KLRG2: variants seen among roughly 807,000 people sequenced by gnomAD.
The protein encoded by KLRG2 is killer cell lectin-like receptor subfamily G member 2.
Under a neutral mutation model 35.4 loss-of-function variants are expected in KLRG2, and 39 were observed. The ratio of observed to expected loss-of-function variants is 1.10; its 90% CI spans 0.85 to 1.44. The LOEUF is 1.44. KLRG2 is among the 40% of genes most tolerant of loss of function. The pLI, the probability that KLRG2 is intolerant of heterozygous loss-of-function variation, is 0.00. For missense variants in KLRG2, 632 were observed against 570.9 expected (o/e 1.11, Z -1.09); for synonymous variants, 283 against 265.8 (o/e 1.06, Z -0.63).
chr7:139,430,562 G>A, the KLRG2 span, among the ~76,000 whole-genome samples: 1 of 152,134 alleles, frequency 6.6e-6, no homozygotes, highest in African/African-American at 2.4e-5. Flanking sequence ...TGGAAAACAG[G>A]CAGCTTCTTA....
the KLRG2 span, among the ~76,000 whole-genome samples, chr7:139,431,375 A>G: frequency 6.6e-6 from 1 of 151,320 alleles, no homozygotes; most frequent in Non-Finnish European, 1.5e-5. Flanking sequence ...AAATAGATAC[A>G]CTTTCTTCAT....
chr7:139,460,075 T>G (rs1375154953), intron 3 of KLRG2, among the ~76,000 whole-genome samples: 1 of 151,932 alleles, frequency 6.6e-6, no homozygotes. Context: ...TAGTAGAGGG[T>G]GGGTTTCACC....
the KLRG2 span, among the ~76,000 whole-genome samples, chr7:139,443,824 T>TA: frequency 1.3e-5 from 2 of 152,112 alleles, no homozygotes; most frequent in South Asian, 4.1e-4. Context: ...GAGAGGGAGT[T>TA]TACTGAGAAT....
Position 139,482,998 on chromosome 7 carries a change from G to C in KLRG2, c.645C>G (p.Ser215=), listed in dbSNP as rs1796989745. The C allele has an allele frequency of 3.6e-6, 5 of 1,379,630 alleles. No individual in the cohort carries two copies. The East Asian group carries it at 1.5e-4, about 42-fold the overall frequency. The allele number at this position is 1,379,630 out of a possible 1,614,324, so 85.5% of individuals were successfully genotyped here. ...PAEGSAGSPG[S]PTCCRCKELG... ...GCTCCTTGCAGCGGCAGCACGTGGG[G>C]GAGCCCGGGGAGCCGGCGCTTCCTT... The change falls in exon 1 of 5, where the codon TCC becomes TCG. Residue 215 remains serine (S), a synonymous_variant. Transcript: ENST00000340940.
At chr7:139,473,231 A>G (rs999388377) in intron 3 of KLRG2, among the ~76,000 whole-genome samples, 3 of 152,204 alleles carry the variant, frequency 2.0e-5, no homozygotes, top group African/African-American at 7.2e-5. Flanking sequence ...CAGTGAGCTG[A>G]GATTGCTCCA....
chr7:139,441,174 C>T, the KLRG2 span, among the ~76,000 whole-genome samples: 2,230 of 152,290 alleles, frequency 0.015, 57 homozygotes, highest in African/African-American at 0.052. Context: ...CACAAGCACA[C>T]GTATGTTTAT....
chr7:139,458,616 GTTTTAATA>G (rs1796516904), intron 3 of KLRG2, among the ~76,000 whole-genome samples: 1 of 152,114 alleles, frequency 6.6e-6, no homozygotes, highest in Non-Finnish European at 1.5e-5. Flanking sequence ...ATCCATGTCT[GTTTTAATA>G]TTAAAATGTT....
chr7:139,430,848 A>C, the KLRG2 span, among the ~76,000 whole-genome samples: 2 of 151,978 alleles, frequency 1.3e-5, no homozygotes, highest in African/African-American at 4.8e-5. Context: ...GTCTCTACTA[A>C]AAATACAAAA....
intron 3 of KLRG2, among the ~76,000 whole-genome samples, chr7:139,463,010 C>T (rs986234833): frequency 1.5e-4 from 23 of 152,206 alleles, no homozygotes; most frequent in African/African-American, 5.1e-4. Flanking sequence ...CTCCTCTCCT[C>T]ACACCCGACG....
the KLRG2 span, among the ~76,000 whole-genome samples, chr7:139,443,591 T>C: frequency 1.3e-5 from 2 of 152,006 alleles, no homozygotes; most frequent in African/African-American, 4.8e-5. Context: ...AGATGGAGTC[T>C]TGCCCTGCTG....
chr7:139,432,408 T>A, the KLRG2 span, among the ~76,000 whole-genome samples: 1 of 152,126 alleles, frequency 6.6e-6, no homozygotes, highest in Non-Finnish European at 1.5e-5. Flanking sequence ...CGCTGTAAAC[T>A]GATTCCTCTT....
At chr7:139,474,383 G>T (rs562317619) in intron 3 of KLRG2, among the ~76,000 whole-genome samples, 1 of 152,122 alleles carries the variant, frequency 6.6e-6, no homozygotes, top group East Asian at 1.9e-4. Flanking sequence ...GAATTCTGGG[G>T]AAAAGCGATT....
intron 3 of KLRG2, among the ~76,000 whole-genome samples, chr7:139,462,837 T>C (rs1009370623): frequency 6.7e-6 from 1 of 149,216 alleles, no homozygotes; most frequent in Non-Finnish European, 1.5e-5. Context: ...CTCCCACCTG[T>C]CCCCTCAGTC....
chr7:139,449,690 A>ATTCTTT (rs1796346589), downstream of KLRG2, among the ~76,000 whole-genome samples: 1 of 128,434 alleles, frequency 7.8e-6, no homozygotes, highest in Non-Finnish European at 1.6e-5. Flanking sequence ...CTATATCCTT[A>ATTCTTT]TTCTTTTTTT....
intron 3 of KLRG2, among the ~76,000 whole-genome samples, chr7:139,469,934 G>C (rs1015583585): frequency 6.6e-6 from 1 of 152,180 alleles, no homozygotes; most frequent in African/African-American, 2.4e-5. Context: ...TATAGCACAA[G>C]TGTGCCTAAG....
chr7:139,434,582 G>T, the KLRG2 span, among the ~76,000 whole-genome samples: 1 of 152,156 alleles, frequency 6.6e-6, no homozygotes, highest in South Asian at 2.1e-4. Flanking sequence ...CAAAAGACTT[G>T]CAGCCTGTTC....
the KLRG2 span, among the ~76,000 whole-genome samples, chr7:139,443,464 G>T: frequency 1.3e-5 from 2 of 152,080 alleles, no homozygotes; most frequent in Non-Finnish European, 2.9e-5. Context: ...ATGCTGATAA[G>T]GTATATACCA....
chr7:139,440,687 T>A, the KLRG2 span, among the ~76,000 whole-genome samples: 2,325 of 152,208 alleles, frequency 0.015, 52 homozygotes, highest in African/African-American at 0.053. Context: ...AGGGCTCAAG[T>A]GATCCTTCCC....
At chr7:139,437,214 G>T in the KLRG2 span, among the ~76,000 whole-genome samples, 3 of 152,044 alleles carry the variant, frequency 2.0e-5, no homozygotes, top group Admixed American at 6.6e-5. Flanking sequence ...ATCAGCTGAG[G>T]TCAGGAGTTC....
Sources: gnomAD v4.1 joint callset for allele counts (sites outside exome capture counted in the v4.1 genomes callset) on GRCh38, gnomAD v4.1.1 for gene constraint, MANE v1.5 for transcripts, NCBI Gene and HGNC (gene_info 2026-07-23, HGNC 2026-07-21) for gene names.